The following NTM variants were observed in gnomAD, a reference collection of about 807,000 sequenced individuals.
The protein encoded by NTM is neurotrimin.
Under a neutral mutation model 42.1 loss-of-function variants are expected in NTM, and 13 were observed. The observed-to-expected ratio is 0.31, with a 90% CI of 0.20 to 0.49. The LOEUF (loss-of-function observed/expected upper bound fraction) is 0.49, where lower values mean the gene tolerates loss of function less well. NTM is among the 20% of genes least tolerant of loss of function. The pLI is 0.99. For synonymous variants in NTM, 187 were observed against 179.2 expected, an observed-to-expected ratio of 1.04 and a Z score of -0.35; for missense variants, 373 against 452.8, an observed-to-expected ratio of 0.82 and a Z score of 1.60.
At chr11:131,855,027 T>G (rs765673374) in intron 1 of NTM, among the ~76,000 whole-genome samples, 1 of 152,104 alleles carries the variant, frequency 6.6e-6, no homozygotes, top group Non-Finnish European at 1.5e-5. Context: ...CCGGTGCTGA[T>G]GGGAACATCT....
chr11:132,293,507 G>T (rs1340433267), intron 4 of NTM, among the ~76,000 whole-genome samples: 3 of 152,064 alleles, frequency 2.0e-5, no homozygotes, highest in Non-Finnish European at 4.4e-5. Context: ...AAAGGGTGGG[G>T]AGGATGTGGA....
chr11:132,314,513 C>G lies in NTM; in HGVS notation c.783-39C>G, dbSNP rs375641420. 1.1e-5 allele frequency: 17 copies of G among 1,583,386 alleles called. No homozygotes were observed. The African/African-American group carries it at 2.2e-4, about 20-fold the overall frequency. On this transcript the variant is annotated intron_variant, in intron 6 of 8. Coordinates refer to ENST00000683400, the MANE Select transcript of NTM (RefSeq NM_001352005.2). The stretch of plus-strand genomic sequence containing the variant: ...TCTTCTTCCTATGAGGACACATAAC[C>G]ATCTTGTTTTCTTCTTTTTTGTCTT...
intron 1 of NTM, among the ~76,000 whole-genome samples, chr11:131,489,846 C>T (rs1446285739): frequency 6.6e-6 from 1 of 152,256 alleles, no homozygotes; most frequent in Admixed American, 6.5e-5. Context: ...TCTTTACTCT[C>T]TGCCTTAGTC....
At chr11:131,763,019 GC>G (rs2084479854) in intron 1 of NTM, among the ~76,000 whole-genome samples, 1 of 152,338 alleles carries the variant, frequency 6.6e-6, no homozygotes, top group South Asian at 2.1e-4. Context: ...AGGGAGACAG[GC>G]GGATTCAGGG....
At chr11:131,951,785 G>A (rs1223955929) in intron 2 of NTM, among the ~76,000 whole-genome samples, 2 of 130,096 alleles carry the variant, frequency 1.5e-5, no homozygotes, top group Non-Finnish European at 3.1e-5. Context: ...TTGTGCCACT[G>A]TACTCCAGCC....
chr11:131,958,835 C>T (rs904656769), intron 2 of NTM, among the ~76,000 whole-genome samples: 24 of 152,132 alleles, frequency 1.6e-4, no homozygotes, highest in South Asian at 6.2e-4. Flanking sequence ...TTTATGGTGA[C>T]GAAATGAAGG....
chr11:132,146,332 C>T lies in NTM; in HGVS notation c.218C>T (p.Thr73Ile). The change falls in exon 3 of 9, where the codon ACC becomes ATC. Residue 73 changes from threonine to isoleucine, a missense_variant. Transcript: ENST00000683400. The surrounding 1 kb of genome is among the most constrained non-coding windows in gnomAD (Gnocchi z 4.5). ...CGGGTGGCCTGGCTAAACCGCAGCA[C>T]CATCCTCTATGCTGGGAATGACAAG... ...VTRVAWLNRS[T>I]ILYAGNDKWC... 1 of 1,614,210 alleles carries T rather than the reference C, an allele frequency of 6.2e-7. No individual in the cohort carries two copies. The highest frequency in any genetic ancestry group is 1.1e-5 in the South Asian group (1 of 91,084).
chr11:132,048,350 T>C (rs73030373), intron 2 of NTM, among the ~76,000 whole-genome samples: 3,468 of 152,324 alleles, frequency 0.023, 53 homozygotes, highest in Non-Finnish European at 0.034. Flanking sequence ...TAAAGATCTC[T>C]GGGTCCACAC....
At chr11:131,818,642 A>C (rs1290247083) in intron 1 of NTM, among the ~76,000 whole-genome samples, 1 of 152,186 alleles carries the variant, frequency 6.6e-6, no homozygotes, top group Non-Finnish European at 1.5e-5. Context: ...CCATTCATTC[A>C]TTCATTCATT....
At chr11:131,876,858 A>G (rs1256280289) in intron 1 of NTM, among the ~76,000 whole-genome samples, 8 of 151,998 alleles carry the variant, frequency 5.3e-5, no homozygotes, top group African/African-American at 1.9e-4. Context: ...CACAAAGCAT[A>G]ACTTTTTTTT....
At chr11:132,313,974 GATGAGAAAA>G (rs527286849) in intron 6 of NTM, among the ~76,000 whole-genome samples, 21 of 152,238 alleles carry the variant, frequency 1.4e-4, no homozygotes, top group East Asian at 7.7e-4. Flanking sequence ...AGAGTCCCCT[GATGAGAAAA>G]ATGAGAAAAT....
chr11:132,061,574 C>T (rs879443642), intron 2 of NTM, among the ~76,000 whole-genome samples: 15 of 152,024 alleles, frequency 9.9e-5, no homozygotes, highest in Admixed American at 1.3e-4. Context: ...AATGATAAAC[C>T]GGAGAGGGAT....
At chr11:131,574,844 C>G (rs948050182) in intron 1 of NTM, among the ~76,000 whole-genome samples, 1 of 152,102 alleles carries the variant, frequency 6.6e-6, no homozygotes, top group Non-Finnish European at 1.5e-5. Flanking sequence ...TCCCTCCCCA[C>G]TCCCCACTGT....
chr11:131,701,466 A>C (rs1301710124), intron 1 of NTM, among the ~76,000 whole-genome samples: 1 of 152,206 alleles, frequency 6.6e-6, no homozygotes, highest in Non-Finnish European at 1.5e-5. Context: ...TGGGCATGGT[A>C]GATGGGCAAA....
chr11:132,179,474 G>A (rs994227487), intron 3 of NTM, among the ~76,000 whole-genome samples: 3 of 152,098 alleles, frequency 2.0e-5, no homozygotes, highest in Non-Finnish European at 4.4e-5. Context: ...GTGCATTATG[G>A]TAAAAGATAA....
chr11:131,916,594 C>T (rs1210092266), intron 2 of NTM, among the ~76,000 whole-genome samples: 1 of 152,168 alleles, frequency 6.6e-6, no homozygotes, highest in African/African-American at 2.4e-5. Flanking sequence ...GGGAGTCACC[C>T]TCTAGATGAA....
intron 1 of NTM, among the ~76,000 whole-genome samples, chr11:131,492,456 A>C (rs1191473238): frequency 2.0e-5 from 3 of 152,196 alleles, no homozygotes; most frequent in Admixed American, 6.5e-5. Flanking sequence ...ACAACTTCAT[A>C]AAAAGGCATT....
intron 4 of NTM, among the ~76,000 whole-genome samples, chr11:132,252,621 A>G (rs3099802): frequency 0.48 from 72,887 of 152,022 alleles, 17,859 homozygotes; most frequent in African/African-American, 0.55. Context: ...GAGAGAGAAA[A>G]ACAACTTGCA....
At chr11:132,293,776 T>C (rs1264767087) in intron 4 of NTM, among the ~76,000 whole-genome samples, 2 of 152,140 alleles carry the variant, frequency 1.3e-5, no homozygotes, top group Admixed American at 1.3e-4. Context: ...CACAATTTCA[T>C]TGTCCAAAAG....
Sources: gnomAD v4.1 joint callset for allele counts (sites outside exome capture counted in the v4.1 genomes callset) on GRCh38, gnomAD v4.1.1 for gene constraint, Gnocchi (gnomAD v3.1) non-coding constraint, MANE v1.5 for transcripts, NCBI Gene and HGNC (gene_info 2026-07-23, HGNC 2026-07-21) for gene names.